CRHBP: variants seen among roughly 807,000 people sequenced by gnomAD.
CRHBP encodes corticotropin-releasing hormone-binding protein.
CRHBP carries 19 observed loss-of-function variants against 34.9 expected under a neutral mutation model. That is an observed-to-expected ratio of 0.55 (90% confidence interval 0.38 to 0.80). The LOEUF (loss-of-function observed/expected upper bound fraction) is 0.80, where lower values mean the gene tolerates loss of function less well. Ranked by LOEUF, CRHBP falls within the 30% of genes least tolerant of loss-of-function variation. The pLI is 0.00. For synonymous variants in CRHBP, 154 were observed against 153.4 expected (o/e 1.00, Z -0.03); for missense variants, 328 against 409.2 (o/e 0.80, Z 1.71).
At chr5:76,973,552 G>A (rs1745978793), downstream of CRHBP, among the ~76,000 whole-genome samples, 1 of 152,170 alleles carries the variant, frequency 6.6e-6, no homozygotes, top group Non-Finnish European at 1.5e-5. Context: ...TTTTATATCA[G>A]TCTTCTCACA....
chr5:76,959,371 A>G (rs1341690511), intron 5 of CRHBP, among the ~76,000 whole-genome samples: 3 of 152,250 alleles, frequency 2.0e-5, no homozygotes. Context: ...ATTGCAAAAT[A>G]CAGTAAAGCT....
chr5:76,975,590 G>A (rs538637644), intron 2 of CRHBP, among the ~76,000 whole-genome samples: 1 of 151,390 alleles, frequency 6.6e-6, no homozygotes, highest in Non-Finnish European at 1.5e-5. Flanking sequence ...ATTACTTAAG[G>A]CCAGGAGTTC....
downstream of CRHBP, among the ~76,000 whole-genome samples, chr5:76,969,691 G>A (rs925971906): frequency 6.6e-6 from 1 of 152,186 alleles, no homozygotes; most frequent in Non-Finnish European, 1.5e-5. Flanking sequence ...AGCGGGTGCA[G>A]AGATTCATTT....
intron 4 of CRHBP, 179 bp from the exon 5 acceptor site, chr5:76,958,562 G>C (rs1452808120): frequency 1.7e-6 from 1 of 596,160 alleles, no homozygotes; most frequent in Non-Finnish European, 2.8e-6. Flanking sequence ...TGTCACTGAT[G>C]GTTTTTGTTC....
chr5:76,971,165 T>C (rs879441304), downstream of CRHBP, among the ~76,000 whole-genome samples: 2 of 152,218 alleles, frequency 1.3e-5, no homozygotes, highest in Non-Finnish European at 2.9e-5. Flanking sequence ...GCGTAGTGGT[T>C]AAGGTCATTG....
chr5:76,967,843 T>G (rs950737017), intron 6 of CRHBP, among the ~76,000 whole-genome samples: 1 of 151,768 alleles, frequency 6.6e-6, no homozygotes, highest in Non-Finnish European at 1.5e-5. Context: ...GGACTACAGG[T>G]GCGCACCACC....
intron 5 of CRHBP, among the ~76,000 whole-genome samples, chr5:76,960,054 C>A (rs1745752867): frequency 6.6e-6 from 1 of 152,200 alleles, no homozygotes; most frequent in Admixed American, 6.5e-5. Flanking sequence ...ACAGGTCCTG[C>A]TCACAGGGAC....
intron 3 of CRHBP, among the ~76,000 whole-genome samples, chr5:76,954,800 T>A (rs1745643233): frequency 6.6e-6 from 1 of 152,158 alleles, no homozygotes; most frequent in Non-Finnish European, 1.5e-5. Flanking sequence ...CCTCCTCGAT[T>A]CCAGTCGTCA....
intron 1 of CRHBP, 77 bp downstream of exon 1, chr5:76,953,292 G>C: frequency 7.3e-7 from 1 of 1,377,034 alleles, no homozygotes; most frequent in Non-Finnish European, 1.0e-6. Context: ...GCCTCTGCTC[G>C]CAGCCTTTTG....
intron 6 of CRHBP, among the ~76,000 whole-genome samples, chr5:76,964,698 A>G (rs1745834293): frequency 6.6e-6 from 1 of 152,136 alleles, no homozygotes; most frequent in Admixed American, 6.6e-5. Context: ...TACTAAAAAT[A>G]TAAAAAAATT....
At chr5:76,978,488 C>T (rs1746072988) in intron 3 of CRHBP, among the ~76,000 whole-genome samples, 2 of 152,226 alleles carry the variant, frequency 1.3e-5, no homozygotes, top group African/African-American at 2.4e-5. Context: ...CATCTGTTTA[C>T]AGCATGGTTT....
intron 5 of CRHBP, among the ~76,000 whole-genome samples, chr5:76,962,574 T>G: frequency 6.7e-6 from 1 of 148,166 alleles, no homozygotes. Context: ...AGGTTAGGAG[T>G]TCAAGACCGG....
intron 4 of CRHBP, among the ~76,000 whole-genome samples, chr5:76,956,106 C>T (rs970597815): frequency 6.6e-6 from 1 of 152,152 alleles, no homozygotes; most frequent in Non-Finnish European, 1.5e-5. Flanking sequence ...TATCTTTTCT[C>T]CAAAGTCTTG....
intron 5 of CRHBP, among the ~76,000 whole-genome samples, chr5:76,961,442 G>A (rs1011669518): frequency 2.6e-5 from 4 of 152,092 alleles, no homozygotes; most frequent in Non-Finnish European, 2.9e-5. Context: ...GTTCCTCCTG[G>A]ACATCCTCTA....
At chr5:76,953,439 T>G in intron 1 of CRHBP, 162 bp from the exon 2 acceptor site, 3 of 898,058 alleles carry the variant, frequency 3.3e-6, no homozygotes, top group South Asian at 2.9e-5. Flanking sequence ...CCTGGCCTGA[T>G]GGAGAGGGTC....
intron 2 of CRHBP, among the ~76,000 whole-genome samples, chr5:76,976,079 C>T (rs1402038742): frequency 6.6e-6 from 1 of 151,362 alleles, no homozygotes; most frequent in East Asian, 1.9e-4. Context: ...TTAGCAGAGG[C>T]CTCTGTGATC....
intron 3 of CRHBP, 77 bp downstream of exon 3, chr5:76,954,263 G>T (rs960533412): frequency 5.0e-5 from 76 of 1,518,510 alleles, no homozygotes; most frequent in Non-Finnish European, 6.3e-5. Context: ...GCTGCACCCA[G>T]CGTGGGGCTG....
chr5:76,953,418 G>T, intron 1 of CRHBP, 183 bp from the exon 2 acceptor site: 1 of 852,478 alleles, frequency 1.2e-6, no homozygotes, highest in Middle Eastern at 2.3e-4. Flanking sequence ...TCCTCTGGCC[G>T]CTGGGGATAC....
intron 5 of CRHBP, among the ~76,000 whole-genome samples, chr5:76,962,801 ATAAT>A (rs769466949): frequency 2.6e-5 from 4 of 152,190 alleles, no homozygotes; most frequent in African/African-American, 9.6e-5. Flanking sequence ...TAACATACTC[ATAAT>A]TAATCAAAAT....
Sources: allele counts gnomAD v4.1 joint callset (sites outside exome capture counted in the v4.1 genomes callset), GRCh38; gene constraint gnomAD v4.1.1; transcripts MANE v1.5; gene names NCBI Gene and HGNC (gene_info 2026-07-23, HGNC 2026-07-21).